CTDNEP1: variants seen among roughly 807,000 people sequenced by gnomAD.
CTDNEP1 encodes CTD nuclear envelope phosphatase 1.
CTDNEP1 carries 3 observed loss-of-function variants against 30.1 expected under a neutral mutation model. The ratio of observed to expected loss-of-function variants is 0.10; its 90% CI spans 0.05 to 0.26. The LOEUF (loss-of-function observed/expected upper bound fraction) is 0.26. Ranked by LOEUF, CTDNEP1 falls within the 10% of genes least tolerant of loss-of-function variation. The pLI, the probability that CTDNEP1 is intolerant of heterozygous loss-of-function variation, is 1.00. For missense variants in CTDNEP1, 158 were observed against 310.4 expected, an observed-to-expected ratio of 0.51 and a Z score of 3.69; for synonymous variants, 123 against 118.8, an observed-to-expected ratio of 1.04 and a Z score of -0.23.
intron 1 of CTDNEP1, 65 bp downstream of exon 1, chr17:7,251,130 C>T (rs1486590295): frequency 1.6e-6 from 2 of 1,215,246 alleles, no homozygotes; most frequent in African/African-American, 1.6e-5. Context: ...CCCCTGAGCA[C>T]CACGGACAGA....
chr17:7,245,822 AAAT>A lies in CTDNEP1; in HGVS notation c.589+201_589+203del, dbSNP rs2142998427. Reference sequence around the variant, plus strand: ...CAAAAATAAATTTTAAAAATGAAAAAAATGATATAAGAAATCCGACTTATGAAA... The same window carrying A: ...CAAAAATAAATTTTAAAAATGAAAAAGATATAAGAAATCCGACTTATGAAA... On this transcript the variant is annotated intron_variant, in intron 6 of 7. Coordinates refer to ENST00000574322, the MANE Select transcript of CTDNEP1 (RefSeq NM_001143775.2). 1.3e-5 allele frequency among the ~76,000 whole-genome samples: 2 copies of A among 152,284 alleles called. 1 individual carries two copies. The highest frequency in any genetic ancestry group is 1.3e-4 in the Admixed American group (2 of 15,290).
intron 1 of CTDNEP1, among the ~76,000 whole-genome samples, chr17:7,249,791 AT>A (rs1370844023): frequency 6.6e-6 from 1 of 152,144 alleles, no homozygotes; most frequent in Non-Finnish European, 1.5e-5. Context: ...GGTGCCTGTA[AT>A]CCCAGCTATT....
In CTDNEP1 at chr17:7,251,416, C is replaced by T. The variant is rs988248780; in HGVS notation, c.-120G>A. The T allele has an allele frequency of 2.5e-5, 14 of 563,642 alleles. No homozygotes were observed. The African/African-American group carries it at 2.8e-4, about 11-fold the overall frequency. The allele number at this position is 563,642 out of a possible 1,614,324, so 34.9% of individuals were successfully genotyped here. On this transcript the variant is annotated 5_prime_UTR_variant, in exon 1 of 8. Transcript: ENST00000574322. Reference sequence around the variant, plus strand: ...GGGCCCCGAGTGGCAGGAGAGGCTGCAGAGAGGGGCACGGAGCGGGCGGCT... The same window carrying T: ...GGGCCCCGAGTGGCAGGAGAGGCTGTAGAGAGGGGCACGGAGCGGGCGGCT...
chr17:7,245,257 A>G (rs1443584534), intron 6 of CTDNEP1, among the ~76,000 whole-genome samples: 5 of 151,976 alleles, frequency 3.3e-5, no homozygotes, highest in Admixed American at 6.6e-5. Flanking sequence ...ACGCCACTGC[A>G]TTCCAGCCTG....
Position 7,246,466 on chromosome 17 carries a change from G to A in CTDNEP1, c.361-96C>T. 1 of 898,258 alleles carries A rather than the reference G, an allele frequency of 1.1e-6. No homozygotes were observed. The allele number at this position is 898,258 out of a possible 1,614,324, so 55.6% of individuals were successfully genotyped here. On this transcript the variant is annotated intron_variant, in intron 4 of 7. Coordinates refer to ENST00000574322, the MANE Select transcript of CTDNEP1 (RefSeq NM_001143775.2). This position sits in a 1 kb window ranked among gnomAD's most constrained non-coding sequence, Gnocchi z 4.9. ...AGAAAGGCAATGGCATAGTCCTTCAGGCCTTCCATCAACATCAAATGTCTC... is the reference window on the plus strand; with the variant it reads ...AGAAAGGCAATGGCATAGTCCTTCAAGCCTTCCATCAACATCAAATGTCTC...
At position 7,251,487 on chromosome 17, in the gene CTDNEP1, C is replaced by T. The variant is rs940715826; in HGVS notation, c.-191G>A. 17 of 412,234 alleles carry T rather than the reference C, an allele frequency of 4.1e-5. No homozygotes were observed. Among genetic ancestry groups the T allele is most frequent in the Middle Eastern group, 6.3e-4 (1 of 1,584 alleles). 25.5% of individuals were successfully genotyped at this position (412,234 alleles called of 1,614,324 possible). ...GGGTAAAGCCCAGCGGAACGGGGAG[C>T]TGGGGGACAGGCGTGGGCAGCCCGC... On this transcript the variant is annotated 5_prime_UTR_variant, in exon 1 of 8. Transcript: ENST00000574322.
chr17:7,251,591 T>TC lies in CTDNEP1; in HGVS notation c.-296dup, dbSNP rs2071927338. On this transcript the variant is annotated 5_prime_UTR_variant, in exon 1 of 8. Coordinates refer to ENST00000574322, the MANE Select transcript of CTDNEP1 (RefSeq NM_001143775.2). ...CGAGACAGGTAGGGCTAGGATGGGG[T>TC]CCTCCGAGACCTGGAGGGAAGGGGA... 9.1e-6 allele frequency: 1 copy of TC among 109,940 alleles called. No homozygotes were observed. The highest frequency in any genetic ancestry group is 1.1e-4 in the Admixed American group (1 of 9,072). 6.8% of individuals were successfully genotyped at this position (109,940 alleles called of 1,614,324 possible).
chr17:7,251,362 C>A lies in CTDNEP1; in HGVS notation c.-66G>T. 1 of 1,123,702 alleles carries A rather than the reference C, an allele frequency of 8.9e-7. No individual in the cohort carries two copies. The highest frequency in any genetic ancestry group is 1.2e-6 in the Non-Finnish European group (1 of 850,808). The allele number at this position is 1,123,702 out of a possible 1,614,324, so 69.6% of individuals were successfully genotyped here. On this transcript the variant is annotated 5_prime_UTR_variant, in exon 1 of 8. Transcript: ENST00000574322. ...CCCAGCTCCGCCAGCCCCCCGGGGG[C>A]AGCCCCCCGCCGCCGGGAGGGGGAA...
At chr17:7,249,768 A>G (rs541825020) in intron 1 of CTDNEP1, among the ~76,000 whole-genome samples, 1 of 152,262 alleles carries the variant, frequency 6.6e-6, no homozygotes, top group South Asian at 2.1e-4. Flanking sequence ...AAAATTAGCC[A>G]GGTGTGGTGG....
chr17:7,251,406 G>A lies in CTDNEP1; in HGVS notation c.-110C>T, dbSNP rs956885819. The A allele has an allele frequency of 1.1e-4, 70 of 655,082 alleles. No individual in the cohort carries two copies. Among genetic ancestry groups the A allele is most frequent in the Non-Finnish European group, 1.5e-4 (65 of 432,464 alleles). The allele number at this position is 655,082 out of a possible 1,614,324, so 40.6% of individuals were successfully genotyped here. A position where few individuals can be genotyped will look rare whatever the true frequency, so the allele number is the denominator to read the frequency against. ...GGGGGAACGGGGGCCCCGAGTGGCAGGAGAGGCTGCAGAGAGGGGCACGGA... is the reference window on the plus strand; with the variant it reads ...GGGGGAACGGGGGCCCCGAGTGGCAAGAGAGGCTGCAGAGAGGGGCACGGA... On this transcript the variant is annotated 5_prime_UTR_variant, in exon 1 of 8. Transcript: ENST00000574322.
Position 7,244,012 on chromosome 17 carries a change from C to T in CTDNEP1, c.*173G>A. The T allele has an allele frequency of 2.1e-6, 3 of 1,414,304 alleles. No homozygotes were observed. Among genetic ancestry groups the T allele is most frequent in the Non-Finnish European group, 2.8e-6 (3 of 1,083,492 alleles). 87.6% of individuals were successfully genotyped at this position (1,414,304 alleles called of 1,614,324 possible). A position where few individuals can be genotyped will look rare whatever the true frequency, so the allele number is the denominator to read the frequency against. On this transcript the variant is annotated 3_prime_UTR_variant, in exon 8 of 8. Transcript: ENST00000574322. Reference sequence around the variant, plus strand: ...AGTGAGGCTGCTTCAGAGCCCCTGGCCCATGTGTCCATCCAGACTCCAAGT... The same window carrying T: ...AGTGAGGCTGCTTCAGAGCCCCTGGTCCATGTGTCCATCCAGACTCCAAGT...
Position 7,246,473 on chromosome 17 carries a change from CA to C in CTDNEP1, c.361-104del. The stretch of plus-strand genomic sequence containing the variant: ...CAATGGCATAGTCCTTCAGGCCTTC[CA>C]TCAACATCAAATGTCTCTGAGGACA... On this transcript the variant is annotated intron_variant, in intron 4 of 7. Coordinates refer to ENST00000574322, the MANE Select transcript of CTDNEP1 (RefSeq NM_001143775.2). The surrounding 1 kb of genome is among the most constrained non-coding windows in gnomAD (Gnocchi z 4.9). The C allele has an allele frequency of 1.2e-6, 1 of 843,372 alleles. No homozygotes were observed. The allele number at this position is 843,372 out of a possible 1,614,324, so 52.2% of individuals were successfully genotyped here. A position where few individuals can be genotyped will look rare whatever the true frequency, so the allele number is the denominator to read the frequency against.
Position 7,244,617 on chromosome 17 carries a change from T to G in CTDNEP1, c.608A>C (p.Lys203Thr). The stretch of plus-strand genomic sequence containing the variant: ...GTCGCTGGGGTCACTGAACCAGGAT[T>G]TGATGGGGATGGCATTGTCTAGGGT... ...RSHPDNAIPI[K>T]SWFSDPSDTA... Residue 203 changes from lysine (K) to threonine (T), a missense_variant, in exon 7 of 8, where the codon AAA becomes ACA. Physicochemically the swap from Lys to Thr is moderately conservative, Grantham distance 78. Around this residue, in one of 2 missense-constraint regions of CTDNEP1, gnomAD observed 96 missense variants for 229.1 expected, o/e 0.42. Transcript: ENST00000574322. The G allele has an allele frequency of 6.2e-7, 1 of 1,612,560 alleles. No individual in the cohort carries two copies. The highest frequency in any genetic ancestry group is 8.5e-7 in the Non-Finnish European group (1 of 1,179,576).
chr17:7,245,190 G>A (rs1272741845), intron 6 of CTDNEP1, among the ~76,000 whole-genome samples: 2 of 152,152 alleles, frequency 1.3e-5, no homozygotes, highest in Admixed American at 6.5e-5. Flanking sequence ...TACTTGGGAG[G>A]CTGAGGCAGG....
chr17:7,251,437 C>G lies in CTDNEP1; in HGVS notation c.-141G>C, dbSNP rs1024163438. ...GCTGCAGAGAGGGGCACGGAGCGGG[C>G]GGCTCAGAAAGCCACCCCTGGCGAG... is the stretch of plus-strand genomic sequence containing the variant. On this transcript the variant is annotated 5_prime_UTR_variant, in exon 1 of 8. Transcript: ENST00000574322. The G allele has an allele frequency of 2.0e-6, 1 of 500,154 alleles. No homozygotes were observed. The highest frequency in any genetic ancestry group is 3.8e-5 in the East Asian group (1 of 26,306). 31.0% of individuals were successfully genotyped at this position (500,154 alleles called of 1,614,324 possible).
chr17:7,245,860 A>G (rs1195170849), intron 6 of CTDNEP1, among the ~76,000 whole-genome samples, 166 bp downstream of exon 6: 2 of 152,196 alleles, frequency 1.3e-5, no homozygotes, highest in Non-Finnish European at 2.9e-5. Flanking sequence ...ATGGACATAT[A>G]TGGTATCTCA....
In CTDNEP1 at chr17:7,251,185, C is replaced by G. The variant is rs780908221; in HGVS notation, c.102+10G>C. 6.3e-7 allele frequency: 1 copy of G among 1,588,688 alleles called. No individual in the cohort carries two copies. Among genetic ancestry groups the G allele is most frequent in the Non-Finnish European group, 8.6e-7 (1 of 1,167,828 alleles). On this transcript the variant is annotated intron_variant, in intron 1 of 7. Transcript: ENST00000574322. ...CGTCCCCAACACCGCCAGCGCCCAC[C>G]CTGGCTCACCGTGCGGATCTGCCTC...
chr17:7,251,249 G>A lies in CTDNEP1; in HGVS notation c.48C>T (p.Phe16=), dbSNP rs3744398. Residue 16 remains phenylalanine (F), a synonymous_variant, in exon 1 of 8, where the codon TTC becomes TTT. Transcript: ENST00000574322. ...CLLGLRTFVA[F]AAKLWSFFIY... ...TGAAGAAGCTCCAGAGCTTGGCGGC[G>A]AAGGCCACGAACGTGCGCAGCCCCA... 107 of 1,602,334 alleles carry A rather than the reference G, an allele frequency of 6.7e-5. 1 individual carries two copies. The East Asian group carries it at 2.1e-3, about 32-fold the overall frequency.
At position 7,244,258 on chromosome 17, in the gene CTDNEP1, T is replaced by C. The variant is rs780706663; in HGVS notation, c.675-13A>G. ...ATCAGCGGTGAACCTGGGGTGACAA[T>C]AACTTGCATTGGTAGAGTACCTTAT... On this transcript the variant is annotated splice_polypyrimidine_tract_variant and intron_variant, in intron 7 of 7. Transcript: ENST00000574322. The C allele has an allele frequency of 3.9e-5, 63 of 1,613,730 alleles. No homozygotes were observed. The highest frequency in any genetic ancestry group is 8.5e-7 in the Non-Finnish European group (1 of 1,179,882).
Sources: allele counts gnomAD v4.1 joint callset (sites outside exome capture counted in the v4.1 genomes callset), GRCh38; gene constraint gnomAD v4.1.1; regional missense constraint gnomAD v4.1.1; non-coding constraint Gnocchi (gnomAD v3.1); transcripts MANE v1.5; gene names NCBI Gene and HGNC (gene_info 2026-07-23, HGNC 2026-07-21).